Variants in STPG2 observed in about 807,000 individuals in gnomAD.
The protein encoded by STPG2 is sperm tail PG-rich repeat containing 2.
Under a neutral mutation model 54.2 loss-of-function variants are expected in STPG2, and 56 were observed. That is an observed-to-expected ratio of 1.03 (90% CI 0.83 to 1.29). The LOEUF is 1.29. Ranked by LOEUF, STPG2 falls within the 50% of genes most tolerant of loss-of-function variation. The pLI is 0.00. For missense variants in STPG2, 596 were observed against 544.9 expected (o/e 1.09, Z -0.93); for synonymous variants, 200 against 181.8 (o/e 1.10, Z -0.81).
intron 7 of STPG2, among the ~76,000 whole-genome samples, chr4:97,955,150 T>C (rs1733627463): frequency 6.6e-6 from 1 of 151,890 alleles, no homozygotes; most frequent in Non-Finnish European, 1.5e-5. Context: ...TGAATTAAAT[T>C]ATAACTCAGT....
chr4:97,464,024 T>A (rs1244645962), intron 4 of STPG2, among the ~76,000 whole-genome samples: 1 of 152,172 alleles, frequency 6.6e-6, no homozygotes, highest in Non-Finnish European at 1.5e-5. Context: ...CTGAACAACA[T>A]CTTGGTTTCT....
chr4:97,459,172 C>T (rs1729597155), intron 4 of STPG2, among the ~76,000 whole-genome samples: 1 of 151,958 alleles, frequency 6.6e-6, no homozygotes, highest in South Asian at 2.1e-4. Flanking sequence ...ATGTGTATCA[C>T]TGTGTGAGAG....
intron 8 of STPG2, among the ~76,000 whole-genome samples, chr4:97,912,018 T>C (rs1731696822): frequency 6.6e-6 from 1 of 152,006 alleles, no homozygotes; most frequent in African/African-American, 2.4e-5. Flanking sequence ...TAATCTCCAC[T>C]GGTGATACCG....
chr4:97,608,498 C>T (rs899200675), intron 10 of STPG2, among the ~76,000 whole-genome samples: 6 of 151,950 alleles, frequency 3.9e-5, no homozygotes, highest in African/African-American at 1.2e-4. Flanking sequence ...TGGTTTTCTT[C>T]GGTTGTGTTC....
chr4:97,800,489 GA>G (rs1303103393), intron 9 of STPG2, among the ~76,000 whole-genome samples: 2 of 152,222 alleles, frequency 1.3e-5, no homozygotes, highest in Non-Finnish European at 1.5e-5. Context: ...GGAGGCTGCA[GA>G]ATAGCGAATA....
intron 10 of STPG2, among the ~76,000 whole-genome samples, chr4:97,631,635 A>G (rs1041087664): frequency 2.0e-5 from 3 of 152,058 alleles, no homozygotes; most frequent in Non-Finnish European, 4.4e-5. Flanking sequence ...AATATTGAAG[A>G]CACCTAAAGC....
intron 4 of STPG2, among the ~76,000 whole-genome samples, chr4:97,552,539 A>T (rs905145793): frequency 6.6e-6 from 1 of 152,092 alleles, no homozygotes; most frequent in East Asian, 1.9e-4. Flanking sequence ...GATAATTTTC[A>T]ATTACCAAAA....
chr4:97,728,786 G>C (rs756136827), intron 9 of STPG2, among the ~76,000 whole-genome samples: 15 of 151,890 alleles, frequency 9.9e-5, no homozygotes, highest in Non-Finnish European at 1.8e-4. Flanking sequence ...TCCACATCAG[G>C]CTACAGAAAA....
chr4:97,742,778 G>T (rs914365575), intron 9 of STPG2, among the ~76,000 whole-genome samples: 4 of 151,534 alleles, frequency 2.6e-5, no homozygotes, highest in Non-Finnish European at 5.9e-5. Context: ...ATGGAGACAT[G>T]TAGGCAAAAA....
chr4:98,095,641 G>C (rs6532715), intron 5 of STPG2, among the ~76,000 whole-genome samples: 3 of 151,934 alleles, frequency 2.0e-5, no homozygotes, highest in Admixed American at 2.0e-4. Context: ...ATACAAATGT[G>C]CCCAACATGG....
intron 10 of STPG2, among the ~76,000 whole-genome samples, chr4:97,619,397 T>G (rs1048622962): frequency 1.4e-4 from 21 of 152,290 alleles, no homozygotes; most frequent in Non-Finnish European, 2.6e-4. Flanking sequence ...CATGGTAACC[T>G]GCTCAACTTC....
intron 10 of STPG2, chr4:97,633,621 G>C (rs1350626610): frequency 3.9e-5 from 6 of 152,342 alleles, no homozygotes; most frequent in Middle Eastern, 3.4e-3. Flanking sequence ...AGTGGGCGCA[G>C]GTCAGTGGGT....
intron 8 of STPG2, among the ~76,000 whole-genome samples, chr4:97,847,873 A>C (rs567145957): frequency 6.6e-6 from 1 of 152,184 alleles, no homozygotes; most frequent in Admixed American, 6.5e-5. Flanking sequence ...CCAAGGTTAT[A>C]TCTATTGTAA....
intron 10 of STPG2, among the ~76,000 whole-genome samples, chr4:97,559,866 T>C (rs1169314505): frequency 1.3e-5 from 2 of 152,198 alleles, no homozygotes; most frequent in Non-Finnish European, 2.9e-5. Flanking sequence ...ATAACAAATA[T>C]TTAATAAATA....
chr4:97,647,290 A>T (rs1721939706), intron 10 of STPG2, among the ~76,000 whole-genome samples: 1 of 152,048 alleles, frequency 6.6e-6, no homozygotes, highest in Admixed American at 6.6e-5. Context: ...AATGAGCAAG[A>T]CTCAAATGTC....
chr4:97,652,572 A>G (rs1309566801), intron 10 of STPG2, among the ~76,000 whole-genome samples: 1 of 151,942 alleles, frequency 6.6e-6, no homozygotes, highest in African/African-American at 2.4e-5. Context: ...TTACCTAAAA[A>G]TTATAATTTT....
chr4:97,892,234 A>G (rs974320752), intron 8 of STPG2, among the ~76,000 whole-genome samples: 3 of 152,164 alleles, frequency 2.0e-5, no homozygotes, highest in African/African-American at 7.2e-5. Flanking sequence ...TCTTAGAACA[A>G]TAAGTCCATT....
At chr4:97,738,318 AC>A (rs1725091861) in intron 9 of STPG2, among the ~76,000 whole-genome samples, 1 of 152,208 alleles carries the variant, frequency 6.6e-6, no homozygotes, top group Admixed American at 6.5e-5. Context: ...GAGCAAAATA[AC>A]CAGCTAACAT....
At chr4:97,895,088 T>C (rs1730908350) in intron 8 of STPG2, among the ~76,000 whole-genome samples, 1 of 151,804 alleles carries the variant, frequency 6.6e-6, no homozygotes, top group Non-Finnish European at 1.5e-5. Context: ...GGGCTCAAGG[T>C]ATAACCCAGA....
Sources: gnomAD v4.1 joint callset for allele counts (sites outside exome capture counted in the v4.1 genomes callset) on GRCh38, gnomAD v4.1.1 for gene constraint, MANE v1.5 for transcripts, NCBI Gene and HGNC (gene_info 2026-07-23, HGNC 2026-07-21) for gene names.